The following PRKCB variants were observed in gnomAD, a reference collection of about 807,000 sequenced individuals.
The protein encoded by PRKCB is protein kinase C beta type.
Under a neutral mutation model 81.5 loss-of-function variants are expected in PRKCB, and 13 were observed. The observed-to-expected ratio is 0.16, with a 90% CI of 0.10 to 0.25. The LOEUF (loss-of-function observed/expected upper bound fraction) is 0.25. PRKCB is among the 10% of genes least tolerant of loss of function. The pLI is 1.00. For synonymous variants in PRKCB, 335 were observed against 321.4 expected, an observed-to-expected ratio of 1.04 and a Z score of -0.45; for missense variants, 509 against 875.7, an observed-to-expected ratio of 0.58 and a Z score of 5.29.
intron 2 of PRKCB, among the ~76,000 whole-genome samples, chr16:23,877,829 T>TA (rs1491271089): frequency 1.4e-5 from 2 of 141,778 alleles, no homozygotes; most frequent in Non-Finnish European, 3.1e-5. Flanking sequence ...CAGTCACTTC[T>TA]TTTTTTTTTT....
intron 2 of PRKCB, among the ~76,000 whole-genome samples, chr16:23,850,602 T>A (rs932725526): frequency 1.3e-5 from 2 of 152,162 alleles, no homozygotes; most frequent in African/African-American, 2.4e-5. Flanking sequence ...TGACCTCAGG[T>A]GATCCACCTG....
At chr16:24,205,418 G>A (rs1311202543) in intron 16 of PRKCB, among the ~76,000 whole-genome samples, 2 of 151,716 alleles carry the variant, frequency 1.3e-5, no homozygotes, top group Non-Finnish European at 2.9e-5. Context: ...GCCTCCCAAA[G>A]TGCTGGTATT....
intron 2 of PRKCB, among the ~76,000 whole-genome samples, chr16:23,964,820 C>A (rs2141794994): frequency 6.6e-6 from 1 of 152,146 alleles, no homozygotes; most frequent in South Asian, 2.1e-4. Context: ...TAGGTACCTG[C>A]CCCCTCTCCC....
chr16:24,157,662 A>T (rs1967182320), intron 10 of PRKCB, among the ~76,000 whole-genome samples: 1 of 150,894 alleles, frequency 6.6e-6, no homozygotes. Context: ...CCCATGTTGG[A>T]GACCAATGCA....
rs781167301 is a variant in PRKCB, at chr16:23,984,118, C to A, written c.206-4390C>A. On this transcript the variant is annotated intron_variant, in intron 2 of 16. Coordinates refer to ENST00000643927, the MANE Select transcript of PRKCB (RefSeq NM_002738.7). ...AAAAGAGGGTTTTTAGCCATAACAT[C>A]TTTAAATGTTTAATGAAGAGGAATG... Among the ~76,000 whole-genome samples the A allele has an allele frequency of 3.3e-5, 5 of 152,232 alleles. No homozygotes were observed. In the South Asian group the frequency reaches 1.0e-3, roughly 32 times the overall value.
intron 3 of PRKCB, among the ~76,000 whole-genome samples, chr16:24,021,359 T>TTCC (rs1965400664): frequency 5.8e-4 from 16 of 27,756 alleles, no homozygotes; most frequent in Admixed American, 1.1e-3. Flanking sequence ...TCCTTCCTCC[T>TTCC]TCCCTCCCTC....
intron 10 of PRKCB, among the ~76,000 whole-genome samples, chr16:24,167,050 C>G (rs1321626173): frequency 6.6e-6 from 1 of 151,780 alleles, no homozygotes. Flanking sequence ...CCAATGCCAT[C>G]TGCTAGCTTT....
chr16:23,982,240 C>T (rs1299846057), intron 2 of PRKCB, among the ~76,000 whole-genome samples: 2 of 52,784 alleles, frequency 3.8e-5, no homozygotes, highest in African/African-American at 1.7e-4. Context: ...TTCCCCTTCC[C>T]TTCCCCTTCC....
chr16:23,976,022 A>C (rs970498728), intron 2 of PRKCB, among the ~76,000 whole-genome samples: 2 of 152,180 alleles, frequency 1.3e-5, no homozygotes, highest in East Asian at 3.8e-4. Flanking sequence ...TTCTCAAAAA[A>C]ACTTTTCCTT....
chr16:24,001,049 T>A (rs1284076697), intron 3 of PRKCB, among the ~76,000 whole-genome samples: 2 of 152,018 alleles, frequency 1.3e-5, no homozygotes, highest in Non-Finnish European at 2.9e-5. Flanking sequence ...TAGAATAATG[T>A]CTGGCACAAA....
chr16:23,837,960 C>T (rs1962196673), intron 2 of PRKCB, among the ~76,000 whole-genome samples: 1 of 152,162 alleles, frequency 6.6e-6, no homozygotes, highest in Non-Finnish European at 1.5e-5. Flanking sequence ...TTTAAATCAC[C>T]CTATCTTCTG....
At chr16:24,135,910 G>A (rs1966863135) in intron 9 of PRKCB, among the ~76,000 whole-genome samples, 1 of 152,054 alleles carries the variant, frequency 6.6e-6, no homozygotes, top group African/African-American at 2.4e-5. Flanking sequence ...TTATCATATG[G>A]TTCACAGATA....
chr16:24,074,336 C>T (rs11648501), intron 5 of PRKCB, among the ~76,000 whole-genome samples: 19,253 of 152,038 alleles, frequency 0.13, 2,254 homozygotes, highest in African/African-American at 0.31. Context: ...GTTCAAATCC[C>T]GCTCTACTGT....
intron 2 of PRKCB, among the ~76,000 whole-genome samples, chr16:23,888,793 C>A (rs1963243993): frequency 6.6e-6 from 1 of 152,090 alleles, no homozygotes. Context: ...GGGTAACAGG[C>A]TTGAAGTTGC....
At chr16:23,874,496 G>A (rs1015325806) in intron 2 of PRKCB, among the ~76,000 whole-genome samples, 1 of 151,130 alleles carries the variant, frequency 6.6e-6, no homozygotes, top group African/African-American at 2.4e-5. Flanking sequence ...ATACAAATAA[G>A]TATGTAATAT....
At chr16:23,907,311 T>C (rs915959532) in intron 2 of PRKCB, among the ~76,000 whole-genome samples, 1 of 152,256 alleles carries the variant, frequency 6.6e-6, no homozygotes, top group African/African-American at 2.4e-5. Flanking sequence ...GGCAGGGTCT[T>C]GTTCCGTTGC....
intron 5 of PRKCB, among the ~76,000 whole-genome samples, chr16:24,077,335 G>C (rs897839642): frequency 2.6e-5 from 4 of 151,890 alleles, no homozygotes; most frequent in Admixed American, 2.6e-4. Context: ...AGCTAGTTAA[G>C]ACCCATTACT....
chr16:24,125,330 G>A (rs955773230), intron 9 of PRKCB, among the ~76,000 whole-genome samples: 1 of 152,096 alleles, frequency 6.6e-6, no homozygotes, highest in South Asian at 2.1e-4. Flanking sequence ...CTTGTTCTCT[G>A]TGTGACTTCC....
At chr16:24,083,656 G>T (rs12929627) in intron 5 of PRKCB, among the ~76,000 whole-genome samples, 2,074 of 152,276 alleles carry the variant, frequency 0.014, 26 homozygotes, top group African/African-American at 0.035. Context: ...AAACAGATCG[G>T]TGGTTGCCAG....
Sources: gnomAD v4.1 joint callset for allele counts (sites outside exome capture counted in the v4.1 genomes callset) on GRCh38, gnomAD v4.1.1 for gene constraint, MANE v1.5 for transcripts, NCBI Gene and HGNC (gene_info 2026-07-23, HGNC 2026-07-21) for gene names.